The following CHST8 variants were observed in gnomAD, a reference collection of about 807,000 sequenced individuals.
CHST8 encodes carbohydrate sulfotransferase 8, also known as GALNAC-4-ST1.
In CHST8, 10 loss-of-function variants were observed where a neutral mutation model predicts 15.0. The observed-to-expected ratio is 0.67, with a 90% CI of 0.41 to 1.13. CHST8 has a LOEUF of 1.13. Among genes scored for constraint, CHST8 ranks in the 50% most tolerant of loss-of-function variants. The probability of loss-of-function intolerance (pLI) is 0.00; values close to 1 mark genes in which losing one functional copy is unlikely to be tolerated. For missense variants in CHST8, 634 were observed against 608.2 expected, an observed-to-expected ratio of 1.04 and a Z score of -0.45; for synonymous variants, 259 against 256.6, an observed-to-expected ratio of 1.01 and a Z score of -0.09.
In CHST8 at chr19:33,655,931, C is replaced by A. The variant is rs150446502; in HGVS notation, c.-163-11836C>A. On this transcript the variant is annotated intron_variant, in intron 1 of 4. Coordinates refer to ENST00000650847, the MANE Select transcript of CHST8 (RefSeq NM_001127895.2). ...ACTTGTTAAGGCTTATTTTCTTGTT[C>A]TTTTTCTAATTTTTTAAGTTGAACA... Among the ~76,000 whole-genome samples, 1,007 of 152,154 alleles carry A rather than the reference C, an allele frequency of 6.6e-3. 11 individuals carry two copies. The highest frequency in any genetic ancestry group is 0.023 in the African/African-American group (948 of 41,510).
intron 1 of CHST8, among the ~76,000 whole-genome samples, chr19:33,654,764 G>C (rs903839162): frequency 6.6e-6 from 1 of 152,034 alleles, no homozygotes; most frequent in Non-Finnish European, 1.5e-5. Flanking sequence ...TAGAGCCCTA[G>C]CTTTGTGCAG....
chr19:33,754,477 TA>T (rs767747924), intron 3 of CHST8, among the ~76,000 whole-genome samples: 34 of 152,160 alleles, frequency 2.2e-4, no homozygotes, highest in African/African-American at 4.8e-4. Flanking sequence ...CCGTGCATCT[TA>T]ACCCTATGCC....
intron 2 of CHST8, among the ~76,000 whole-genome samples, chr19:33,669,623 G>A (rs1021255815): frequency 4.1e-4 from 62 of 152,228 alleles, no homozygotes; most frequent in African/African-American, 1.5e-3. Context: ...AGTCCTGGAG[G>A]AGACAAATCC....
intron 1 of CHST8, among the ~76,000 whole-genome samples, chr19:33,640,104 A>C (rs1298739062): frequency 6.6e-6 from 1 of 152,166 alleles, no homozygotes; most frequent in Non-Finnish European, 1.5e-5. Flanking sequence ...GGCTTCCCAA[A>C]GTGCTGGAAT....
chr19:33,659,990 G>A (rs1462895889), intron 1 of CHST8, among the ~76,000 whole-genome samples: 1 of 152,160 alleles, frequency 6.6e-6, no homozygotes, highest in African/African-American at 2.4e-5. Flanking sequence ...AAGCTTTTGG[G>A]GACCTCACAA....
chr19:33,737,544 G>A lies in CHST8; in HGVS notation c.131-33869G>A, dbSNP rs547527976. ...TTTTCCAAATCTGGAAAAAAGCCACGGGACAGAATTCCCAGAAGGGAATTG... is the reference window on the plus strand; with the variant it reads ...TTTTCCAAATCTGGAAAAAAGCCACAGGACAGAATTCCCAGAAGGGAATTG... On this transcript the variant is annotated intron_variant, in intron 3 of 4. Transcript: ENST00000650847. Among the ~76,000 whole-genome samples the A allele has an allele frequency of 7.2e-5, 11 of 152,276 alleles. No individual in the cohort carries two copies. In the South Asian group the frequency reaches 1.5e-3, roughly 20 times the overall value.
At chr19:33,629,512 G>A (rs936806474) in intron 1 of CHST8, among the ~76,000 whole-genome samples, 1 of 152,256 alleles carries the variant, frequency 6.6e-6, no homozygotes, top group African/African-American at 2.4e-5. Flanking sequence ...GTGGCTGTCT[G>A]CAGCACAGGT....
chr19:33,768,748 C>T (rs1024382850), intron 3 of CHST8, among the ~76,000 whole-genome samples: 3 of 152,066 alleles, frequency 2.0e-5, no homozygotes, highest in African/African-American at 2.4e-5. Flanking sequence ...CCACCGTGCC[C>T]GGCAGTAAAT....
intron 3 of CHST8, among the ~76,000 whole-genome samples, chr19:33,768,042 C>T (rs1172153309): frequency 1.3e-5 from 2 of 152,146 alleles, no homozygotes; most frequent in South Asian, 2.1e-4. Flanking sequence ...CTTCCCTGAG[C>T]GCTGATGGAG....
chr19:33,691,995 G>T (rs1356441895), intron 3 of CHST8, among the ~76,000 whole-genome samples: 1 of 152,102 alleles, frequency 6.6e-6, no homozygotes, highest in South Asian at 2.1e-4. Flanking sequence ...AGGTCCCTTG[G>T]GGCCTGGCCT....
intron 2 of CHST8, among the ~76,000 whole-genome samples, chr19:33,672,155 G>C (rs1972746230): frequency 6.6e-6 from 1 of 152,028 alleles, no homozygotes; most frequent in African/African-American, 2.4e-5. Flanking sequence ...TTATATAAGT[G>C]GTGGAATCCT....
At position 33,772,880 on chromosome 19, in the gene CHST8, G is replaced by C. The variant is rs1975034990; in HGVS notation, c.1092G>C (p.Ala364=). The C allele has an allele frequency of 3.7e-6, 6 of 1,613,478 alleles. No individual in the cohort carries two copies. Among genetic ancestry groups the C allele is most frequent in the Non-Finnish European group, 5.1e-6 (6 of 1,180,024 alleles). Residue 364 remains alanine, a synonymous_variant, in exon 5 of 5, where the codon GCG becomes GCC. Transcript: ENST00000650847. ...DANFFLSLIR[A]PRNLTFPRFK... is the part of the protein sequence containing the mutation. ...ACTTCTTCCTGAGCCTCATCCGCGC[G>C]CCGCGGAACCTGACCTTCCCCCGGT...
intron 2 of CHST8, among the ~76,000 whole-genome samples, chr19:33,680,899 T>A (rs772285759): frequency 6.6e-6 from 1 of 152,246 alleles, no homozygotes; most frequent in African/African-American, 2.4e-5. Context: ...ATTAAATTTT[T>A]AATTTTGAGA....
rs143448774 is a variant in CHST8, at chr19:33,679,630, A to G, written c.-86-9546A>G. 6.4e-3 allele frequency among the ~76,000 whole-genome samples: 982 copies of G among 152,354 alleles called. 8 individuals are homozygous for G. Among genetic ancestry groups the G allele is most frequent in the Middle Eastern group, 0.02 (6 of 294 alleles). On this transcript the variant is annotated intron_variant, in intron 2 of 4. Coordinates refer to ENST00000650847, the MANE Select transcript of CHST8 (RefSeq NM_001127895.2). ...TGTCTCAGTAACTGAAGGTCAGGAC[A>G]GTCTGATCTAAGCTTTTGTTTTGGA...
intron 3 of CHST8, among the ~76,000 whole-genome samples, chr19:33,695,126 T>A (rs904709470): frequency 3.3e-5 from 5 of 152,070 alleles, no homozygotes; most frequent in African/African-American, 1.2e-4. Context: ...ATTTTATTTT[T>A]TATACAGACA....
chr19:33,691,515 C>G (rs926279942), intron 3 of CHST8, among the ~76,000 whole-genome samples: 15 of 152,226 alleles, frequency 9.9e-5, no homozygotes, highest in African/African-American at 3.4e-4. Context: ...TTATTCCTTC[C>G]CTGTACTTCT....
intron 1 of CHST8, among the ~76,000 whole-genome samples, chr19:33,657,156 C>CACACACACAA (rs756944119): frequency 0.081 from 11,808 of 146,386 alleles, 641 homozygotes; most frequent in Admixed American, 0.19. Flanking sequence ...CACACACACA[C>CACACACACAA]AAACACACAT....
chr19:33,766,185 G>A (rs558005514), intron 3 of CHST8, among the ~76,000 whole-genome samples: 84 of 150,268 alleles, frequency 5.6e-4, no homozygotes, highest in South Asian at 1.5e-3. Context: ...TCCCTGTCTC[G>A]CTTCCCTCTC....
intron 2 of CHST8, among the ~76,000 whole-genome samples, chr19:33,671,719 T>G (rs1467322438): frequency 2.0e-5 from 3 of 152,000 alleles, no homozygotes; most frequent in Non-Finnish European, 2.9e-5. Flanking sequence ...CTCCCCCTAC[T>G]GTGTTTTTCT....
Sources: gnomAD v4.1 joint callset for allele counts (sites outside exome capture counted in the v4.1 genomes callset) on GRCh38, gnomAD v4.1.1 for gene constraint, MANE v1.5 for transcripts, NCBI Gene and HGNC (gene_info 2026-07-23, HGNC 2026-07-21) for gene names.